Variants in COL13A1 observed in about 807,000 individuals in gnomAD.
COL13A1 encodes the protein collagen type XIII alpha 1 chain.
In COL13A1, 89 loss-of-function variants were observed where a neutral mutation model predicts 130.9. That is an observed-to-expected ratio of 0.68 (90% CI 0.57 to 0.81). The LOEUF is 0.81. COL13A1 is among the 30% of genes least tolerant of loss of function. The pLI is 0.00. For missense variants in COL13A1, 879 were observed against 934.6 expected (o/e 0.94, Z 0.78); for synonymous variants, 402 against 341.6 (o/e 1.18, Z -1.95).
intron 1 of COL13A1, among the ~76,000 whole-genome samples, chr10:69,820,364 T>C (rs17497526): frequency 0.061 from 9,287 of 152,286 alleles, 387 homozygotes; most frequent in East Asian, 0.097. Flanking sequence ...ACTCCGATGG[T>C]TACAACCTTT....
At position 69,928,977 on chromosome 10, in the gene COL13A1, C is replaced by T; in HGVS notation, c.1463C>T (p.Ala488Val). Reference protein sequence around the residue: ...GLPGQIGPPGAPGIPGQKGEI... With the variant: ...GLPGQIGPPGVPGIPGQKGEI... Reference sequence around the variant, plus strand: ...CCTGGGCAAATTGGCCCACCTGGAGCTCCAGGGATTCCAGGCCAGAAGGTA... The same window carrying T: ...CCTGGGCAAATTGGCCCACCTGGAGTTCCAGGGATTCCAGGCCAGAAGGTA... The change falls in exon 28 of 41, where the codon GCT becomes GTT. Residue 488 changes from alanine to valine, a missense_variant. By Grantham distance (64) the Ala-to-Val change is moderately conservative. This residue lies in a region of COL13A1 where 715 missense variants were observed against 721.0 expected (regional missense o/e 0.99). Coordinates refer to ENST00000645393, the MANE Select transcript of COL13A1 (RefSeq NM_001368882.1). 6.2e-7 allele frequency: 1 copy of T among 1,613,544 alleles called. No homozygotes were observed. Among genetic ancestry groups the T allele is most frequent in the Non-Finnish European group, 8.5e-7 (1 of 1,179,648 alleles).
At chr10:69,858,553 G>A (rs77713652) in intron 2 of COL13A1, among the ~76,000 whole-genome samples, 1,556 of 152,310 alleles carry the variant, frequency 0.01, 34 homozygotes, top group African/African-American at 0.034. Context: ...GTGAAACTAC[G>A]ACACTGTGTG....
chr10:69,865,340 G>A (rs2058421649), intron 2 of COL13A1, among the ~76,000 whole-genome samples: 1 of 152,234 alleles, frequency 6.6e-6, no homozygotes, highest in Admixed American at 6.5e-5. Flanking sequence ...AAAGCCATCA[G>A]CTCCCCAGCA....
intron 2 of COL13A1, among the ~76,000 whole-genome samples, chr10:69,850,755 C>CT (rs71009250): frequency 0.76 from 115,031 of 151,940 alleles, 44,119 homozygotes; most frequent in East Asian, 0.92. Flanking sequence ...GGCAACAGAC[C>CT]GGGCAAAGGA....
chr10:69,877,193 C>A (rs183386204), intron 5 of COL13A1: 1 of 152,258 alleles, frequency 6.6e-6, no homozygotes, highest in African/African-American at 2.4e-5. Context: ...GTGTGACATG[C>A]CTGGGTCATC....
intron 35 of COL13A1, 75 bp from the exon 36 acceptor site, chr10:69,944,050 C>G: frequency 7.9e-7 from 1 of 1,271,614 alleles, no homozygotes; most frequent in Admixed American, 1.8e-5. Context: ...TTGCTCATCT[C>G]TAGGCATCAG....
At chr10:69,895,803 C>T (rs2061576085) in intron 13 of COL13A1, among the ~76,000 whole-genome samples, 1 of 152,166 alleles carries the variant, frequency 6.6e-6, no homozygotes, top group Non-Finnish European at 1.5e-5. Flanking sequence ...TGGAGCCGCT[C>T]ATCACCCGTG....
Position 69,888,312 on chromosome 10 carries a change from T to C in COL13A1, c.558T>C (p.Ile186=), listed in dbSNP as rs557548120. 5.6e-6 allele frequency: 9 copies of C among 1,612,938 alleles called. No homozygotes were observed. Among genetic ancestry groups the C allele is most frequent in the Non-Finnish European group, 7.6e-6 (9 of 1,179,592 alleles). The part of the protein sequence containing the change: ...TRGFPGFPGP[I]GLDGKPGHPG... Reference sequence around the variant, plus strand: ...GGCCTTTCTGGTTTCAGGGTCCCATTGGGCTGGACGGCAAACCGGTAAGTG... The same window carrying C: ...GGCCTTTCTGGTTTCAGGGTCCCATCGGGCTGGACGGCAAACCGGTAAGTG... The change falls in exon 9 of 41, where the codon ATT becomes ATC. Residue 186 remains isoleucine, a synonymous_variant. Transcript: ENST00000645393.
At chr10:69,848,464 C>A (rs754520689) in intron 2 of COL13A1, among the ~76,000 whole-genome samples, 4 of 152,152 alleles carry the variant, frequency 2.6e-5, no homozygotes, top group African/African-American at 9.7e-5. Flanking sequence ...TTGCCTGGGG[C>A]TCTGGAGCTA....
At position 69,904,966 on chromosome 10, in the gene COL13A1, G is replaced by A; in HGVS notation, c.885+7G>A. 1 of 1,552,570 alleles carries A rather than the reference G, an allele frequency of 6.4e-7. No individual in the cohort carries two copies. The highest frequency in any genetic ancestry group is 1.9e-5 in the Admixed American group (1 of 51,708). On this transcript the variant is annotated splice_region_variant and intron_variant, in intron 16 of 40. Coordinates refer to ENST00000645393, the MANE Select transcript of COL13A1 (RefSeq NM_001368882.1). ...TGGGCCTCCTGGACCAAAGGTGAGT[G>A]TCCTTCTGGGTGATGTGTTGAACAG...
chr10:69,855,212 C>A (rs1432580228), intron 2 of COL13A1, among the ~76,000 whole-genome samples: 1 of 152,224 alleles, frequency 6.6e-6, no homozygotes, highest in African/African-American at 2.4e-5. Context: ...TCCTGGCCAC[C>A]TGTGACATTC....
At chr10:69,944,865 G>A (rs960416391) in intron 36 of COL13A1, among the ~76,000 whole-genome samples, 1 of 152,198 alleles carries the variant, frequency 6.6e-6, no homozygotes, top group Non-Finnish European at 1.5e-5. Context: ...GAAACTGCAT[G>A]GAACAGAGGG....
At chr10:69,811,590 A>T (rs1589161949) in intron 1 of COL13A1, among the ~76,000 whole-genome samples, 1 of 151,990 alleles carries the variant, frequency 6.6e-6, no homozygotes, top group Admixed American at 6.6e-5. Flanking sequence ...TGCTCCGGAC[A>T]CCTCCAGCCT....
intron 7 of COL13A1, among the ~76,000 whole-genome samples, chr10:69,885,870 C>T (rs768899991): frequency 7.2e-5 from 11 of 152,166 alleles, no homozygotes; most frequent in South Asian, 2.1e-4. Context: ...TCTCCTCCCT[C>T]GTGCCCTTTT....
chr10:69,918,111 G>A (rs1380542949), intron 18 of COL13A1, among the ~76,000 whole-genome samples, 174 bp from the exon 19 acceptor site: 2 of 152,116 alleles, frequency 1.3e-5, no homozygotes, highest in Admixed American at 1.3e-4. Flanking sequence ...GTCCATTCTC[G>A]TGGCGTCAGC....
chr10:69,910,870 C>T (rs945606083), intron 17 of COL13A1, among the ~76,000 whole-genome samples: 2 of 151,514 alleles, frequency 1.3e-5, no homozygotes, highest in African/African-American at 4.8e-5. Flanking sequence ...GTCTGTCTCA[C>T]TTTGGGGGCG....
At chr10:69,845,939 T>C (rs1199946085) in intron 2 of COL13A1, among the ~76,000 whole-genome samples, 2 of 152,232 alleles carry the variant, frequency 1.3e-5, no homozygotes, top group African/African-American at 4.8e-5. Flanking sequence ...TGCATCTTTT[T>C]CCCTCCACTG....
chr10:69,875,189 C>T (rs2059455468), intron 5 of COL13A1, 26 bp downstream of exon 5: 3 of 1,613,882 alleles, frequency 1.9e-6, no homozygotes, highest in East Asian at 4.5e-5. Context: ...TGTACCTGCT[C>T]AGGTGGCCAT....
chr10:69,931,421 G>T (rs1486395948), intron 30 of COL13A1, among the ~76,000 whole-genome samples: 1 of 152,194 alleles, frequency 6.6e-6, no homozygotes, highest in East Asian at 1.9e-4. Flanking sequence ...CTCTTAACAA[G>T]CAGCTACTTC....
Sources: gnomAD v4.1 joint callset for allele counts (sites outside exome capture counted in the v4.1 genomes callset) on GRCh38, gnomAD v4.1.1 for gene constraint, gnomAD v4.1.1 regional missense constraint, MANE v1.5 for transcripts, NCBI Gene and HGNC (gene_info 2026-07-23, HGNC 2026-07-21) for gene names.